The following MPP7 variants were observed in gnomAD, a reference collection of about 807,000 sequenced individuals.
The protein encoded by MPP7 is MAGUK p55 scaffold protein 7, also known as MAGUK p55 subfamily member 7.
A neutral mutation model predicts 76.5 loss-of-function variants in MPP7; 60 were observed. That is an observed-to-expected ratio of 0.78 (90% CI 0.64 to 0.97). MPP7 has a LOEUF of 0.97. Ranked by LOEUF, MPP7 falls within the 50% of genes least tolerant of loss-of-function variation. The pLI is 0.00. For missense variants in MPP7, 641 were observed against 694.0 expected (o/e 0.92, Z 0.86); for synonymous variants, 237 against 244.5 (o/e 0.97, Z 0.29).
intron 1 of MPP7, among the ~76,000 whole-genome samples, chr10:28,247,723 T>C (rs1388241179): frequency 6.6e-6 from 1 of 152,210 alleles, no homozygotes; most frequent in African/African-American, 2.4e-5. Context: ...CCTAATGTTA[T>C]ATTGTAGAGA....
At chr10:28,098,104 T>C (rs562457342) in intron 11 of MPP7, among the ~76,000 whole-genome samples, 2 of 152,240 alleles carry the variant, frequency 1.3e-5, no homozygotes, top group East Asian at 1.9e-4. Flanking sequence ...ATAAGTTTCA[T>C]ATTATAGATA....
chr10:28,144,191 C>T (rs1835628720), intron 5 of MPP7, among the ~76,000 whole-genome samples: 2 of 152,158 alleles, frequency 1.3e-5, no homozygotes, highest in African/African-American at 4.8e-5. Context: ...TAGGCTCCCA[C>T]TGGCCTTCCT....
intron 1 of MPP7, among the ~76,000 whole-genome samples, chr10:28,287,780 A>T (rs984539428): frequency 4.6e-5 from 7 of 152,220 alleles, no homozygotes; most frequent in Admixed American, 2.6e-4. Context: ...CTAACATTTA[A>T]TTCCATGAAT....
chr10:28,120,091 C>G, intron 10 of MPP7, 103 bp downstream of exon 10: 2 of 1,266,322 alleles, frequency 1.6e-6, no homozygotes, highest in African/African-American at 1.5e-5. Flanking sequence ...AATTCTAAGG[C>G]AAGGTTTTAT....
chr10:28,287,943 A>G (rs10826443), intron 1 of MPP7, among the ~76,000 whole-genome samples: 107,466 of 152,034 alleles, frequency 0.71, 38,659 homozygotes, highest in East Asian at 0.99. Flanking sequence ...GCAGAGTTTG[A>G]TGTAGCATCA....
rs538325213 is a variant in MPP7 at position 28,120,278 on chromosome 10, T to C, written c.803A>G (p.Asp268Gly). The C allele has an allele frequency of 1.8e-4, 285 of 1,614,060 alleles. 5 individuals are homozygous for C. In the South Asian group the frequency reaches 2.9e-3, roughly 16 times the overall value. The change falls in exon 10 of 17, where the codon GAT (aspartate) becomes GGT (glycine). Residue 268 changes from aspartate to glycine, a missense_variant. Asp to Gly is a moderately conservative substitution (Grantham distance 94, BLOSUM62 -1). Coordinates refer to ENST00000683449, the MANE Select transcript of MPP7 (RefSeq NM_001318170.2). ...TTTCGCTTGCCACCAAGTTGCATCA[T>C]CTTGGCTCATAATCTGAAGAATATC... Reference protein sequence around the residue: ...KGDILQIMSQDDATWWQAKHE... With the variant: ...KGDILQIMSQGDATWWQAKHE...
At chr10:28,134,919 T>C (rs1329654639) in intron 5 of MPP7, among the ~76,000 whole-genome samples, 1 of 151,954 alleles carries the variant, frequency 6.6e-6, no homozygotes, top group Non-Finnish European at 1.5e-5. Flanking sequence ...CAGTCCAGAA[T>C]TGTGTACCCA....
intron 3 of MPP7, among the ~76,000 whole-genome samples, chr10:28,194,113 C>T (rs1190606274): frequency 6.6e-6 from 1 of 152,236 alleles, no homozygotes; most frequent in African/African-American, 2.4e-5. Context: ...CTCCTGGATT[C>T]AAGCGATTCT....
Position 28,303,000 on chromosome 10 carries a change from C to T in MPP7, c.-271G>A, listed in dbSNP as rs896915934. On this transcript the variant is annotated 5_prime_UTR_variant, in exon 1 of 17. Transcript: ENST00000683449. ...GCCAGCGGGCTCGGCACCGCCGCGG[C>T]GGGCGCAGAACGCACGAGCCCAGTG... Among the ~76,000 whole-genome samples the T allele has an allele frequency of 6.7e-6, 1 of 150,344 alleles. No individual in the cohort carries two copies. The highest frequency in any genetic ancestry group is 2.0e-4 in the East Asian group (1 of 5,112).
chr10:28,211,810 GA>G (rs1178153068), intron 2 of MPP7, among the ~76,000 whole-genome samples: 4 of 152,100 alleles, frequency 2.6e-5, no homozygotes, highest in African/African-American at 9.7e-5. Context: ...GCAAGAAGAA[GA>G]GGGGATATAA....
At chr10:28,217,209 A>G (rs1838337532) in intron 2 of MPP7, among the ~76,000 whole-genome samples, 1 of 152,140 alleles carries the variant, frequency 6.6e-6, no homozygotes, top group African/African-American at 2.4e-5. Context: ...CCTTTAGACA[A>G]GGATATAACA....
intron 3 of MPP7, among the ~76,000 whole-genome samples, chr10:28,194,161 C>T (rs1000636968): frequency 3.9e-5 from 6 of 152,136 alleles, no homozygotes; most frequent in Admixed American, 6.5e-5. Context: ...ACTACAGGCG[C>T]GTGCCACCAC....
rs755262754 is a variant in MPP7 at position 28,089,710 on chromosome 10, G to A, written c.1084C>T (p.Arg362Ter). ...PTYEEVTPYR[R>*]QTNEKYRLVV... ...AGTCTGTATTTTTCATTAGTTTGTC[G>A]CCGATACGGTGTCACTTCTTCGTAT... The change falls in exon 12 of 17, where the codon CGA (arginine) becomes TGA (stop). Residue 362 changes from arginine to a stop codon, truncating the protein, a stop_gained. Transcript: ENST00000683449. LOFTEE classifies it high-confidence loss of function. 6.2e-6 allele frequency: 10 copies of A among 1,613,452 alleles called. No individual in the cohort carries two copies. The highest frequency in any genetic ancestry group is 5.5e-5 in the South Asian group (5 of 90,966).
At chr10:28,108,927 A>T (rs1332012324) in intron 11 of MPP7, among the ~76,000 whole-genome samples, 1 of 152,080 alleles carries the variant, frequency 6.6e-6, no homozygotes, top group African/African-American at 2.4e-5. Flanking sequence ...GCTTAATTAT[A>T]TTTGGGGCTG....
chr10:28,218,546 CAT>C (rs1251402082), intron 2 of MPP7, among the ~76,000 whole-genome samples: 4 of 152,072 alleles, frequency 2.6e-5, no homozygotes, highest in Admixed American at 6.6e-5. Context: ...GACTTTCAAA[CAT>C]ATGTTAGTCA....
chr10:28,298,921 G>T (rs1841091003), intron 1 of MPP7, among the ~76,000 whole-genome samples: 1 of 152,164 alleles, frequency 6.6e-6, no homozygotes, highest in African/African-American at 2.4e-5. Flanking sequence ...ACCTCTTCTA[G>T]CTTCCAACTT....
At chr10:28,275,170 A>G (rs11006978) in intron 1 of MPP7, among the ~76,000 whole-genome samples, 2,420 of 152,252 alleles carry the variant, frequency 0.016, 72 homozygotes, top group African/African-American at 0.053. Context: ...CCCAACATAT[A>G]ACCATGTGTC....
chr10:28,152,062 A>C (rs2133783668), intron 3 of MPP7, among the ~76,000 whole-genome samples: 1 of 152,182 alleles, frequency 6.6e-6, no homozygotes, highest in African/African-American at 2.4e-5. Flanking sequence ...CAATTTTCCC[A>C]GGTTAATTTC....
intron 1 of MPP7, among the ~76,000 whole-genome samples, chr10:28,270,646 C>T (rs1197160578): frequency 6.6e-6 from 1 of 151,874 alleles, no homozygotes; most frequent in Non-Finnish European, 1.5e-5. Flanking sequence ...TCAACATCAA[C>T]GCCCTCTATC....
Sources: allele counts gnomAD v4.1 joint callset (sites outside exome capture counted in the v4.1 genomes callset), GRCh38; gene constraint gnomAD v4.1.1; transcripts MANE v1.5; gene names NCBI Gene and HGNC (gene_info 2026-07-23, HGNC 2026-07-21).